The following PRPF31 variants were observed in gnomAD, a reference collection of about 807,000 sequenced individuals.
The protein encoded by PRPF31 is pre-mRNA processing factor 31, also known as U4/U6 small nuclear ribonucleoprotein Prp31.
A neutral mutation model predicts 60.4 loss-of-function variants in PRPF31; 12 were observed. The observed-to-expected ratio is 0.20, with a 90% CI of 0.13 to 0.32. The LOEUF (loss-of-function observed/expected upper bound fraction) is 0.32. PRPF31 is among the 10% of genes least tolerant of loss of function. The probability of loss-of-function intolerance (pLI) is 1.00; values close to 1 mark genes in which losing one functional copy is unlikely to be tolerated. For synonymous variants in PRPF31, 287 were observed against 287.9 expected, an observed-to-expected ratio of 1.00 and a Z score of 0.03; for missense variants, 431 against 687.1, an observed-to-expected ratio of 0.63 and a Z score of 4.17.
At chr19:54,118,214 A>G (rs2073698034) in intron 1 of PRPF31, 57 bp from the exon 2 acceptor site, 1 of 1,611,454 alleles carries the variant, frequency 6.2e-7, no homozygotes, top group Non-Finnish European at 8.5e-7. Context: ...ATCGCTCAGT[A>G]ATAAGGAGGG....
chr19:54,117,178 C>T lies in PRPF31; in HGVS notation c.-8-1093C>T, dbSNP rs116802034. On this transcript the variant is annotated intron_variant, in intron 1 of 13. Transcript: ENST00000321030. ...GGACTCCTGTACAAAGACCTGGAGG[C>T]GGGAAGAGACCGATAATGTAACCAA... is the stretch of plus-strand genomic sequence containing the variant. Among the ~76,000 whole-genome samples, 1,088 of 152,192 alleles carry T rather than the reference C, an allele frequency of 7.1e-3. 9 individuals are homozygous for T. Among genetic ancestry groups the T allele is most frequent in the African/African-American group, 0.024 (991 of 41,530 alleles).
chr19:54,128,025 G>A, intron 9 of PRPF31, 48 bp from the exon 10 acceptor site: 2 of 1,548,016 alleles, frequency 1.3e-6, no homozygotes, highest in Non-Finnish European at 1.7e-6. Context: ...AGGCCTGGGT[G>A]GGCAGCCCAC....
chr19:54,124,022 T>C (rs1416397757), intron 7 of PRPF31, 104 bp downstream of exon 7: 2 of 1,559,160 alleles, frequency 1.3e-6, no homozygotes, highest in East Asian at 4.6e-5. Flanking sequence ...CACCTGGACC[T>C]CAGCACCCCG....
chr19:54,127,649 C>T (rs990192893), intron 9 of PRPF31, among the ~76,000 whole-genome samples: 8 of 152,232 alleles, frequency 5.3e-5, no homozygotes, highest in Admixed American at 2.0e-4. Flanking sequence ...CAGTTACCTT[C>T]TGTCTTCCTT....
chr19:54,116,795 C>T (rs1473070962), intron 1 of PRPF31, among the ~76,000 whole-genome samples: 2 of 152,140 alleles, frequency 1.3e-5, no homozygotes, highest in East Asian at 3.9e-4. Context: ...AGATGCTGGG[C>T]TACTAAGAAG....
Position 54,118,638 on chromosome 19 carries a change from T to C in PRPF31, c.238+5T>C. Reference sequence around the variant, plus strand: ...AGCAAGCCAAAGCTTCAGAAGGTGCTTCCTCCCACTCTGTGCCCCTCCCCA... The same window carrying C: ...AGCAAGCCAAAGCTTCAGAAGGTGCCTCCTCCCACTCTGTGCCCCTCCCCA... On this transcript the variant is annotated splice_donor_5th_base_variant and intron_variant, in intron 3 of 13. Coordinates refer to ENST00000321030, the MANE Select transcript of PRPF31 (RefSeq NM_015629.4). 6.2e-7 allele frequency: 1 copy of C among 1,614,002 alleles called. No homozygotes were observed. Among genetic ancestry groups the C allele is most frequent in the Non-Finnish European group, 8.5e-7 (1 of 1,179,924 alleles).
chr19:54,129,635 G>A (rs1490716513), intron 13 of PRPF31, among the ~76,000 whole-genome samples: 1 of 134,814 alleles, frequency 7.4e-6, no homozygotes, highest in Admixed American at 8.6e-5. Flanking sequence ...CAGTTCCTCT[G>A]TCGGGCTGTG....
At chr19:54,128,548 AGCGACCCTC>A (rs142459989) in intron 11 of PRPF31, among the ~76,000 whole-genome samples, 171 bp downstream of exon 11, 6,232 of 148,476 alleles carry the variant, frequency 0.042, 464 homozygotes, top group African/African-American at 0.15. Context: ...TCAGCCCCAA[AGCGACCCTC>A]GCGACCCTTG....
intron 8 of PRPF31, 111 bp from the exon 9 acceptor site, chr19:54,126,417 C>G (rs2073921960): frequency 1.0e-5 from 10 of 994,158 alleles, no homozygotes. Flanking sequence ...GGTGGAAAGC[C>G]CCCTTCCAGG....
At chr19:54,120,638 T>A (rs587745905) in intron 3 of PRPF31, among the ~76,000 whole-genome samples, 1 of 152,244 alleles carries the variant, frequency 6.6e-6, no homozygotes, top group South Asian at 2.1e-4. Flanking sequence ...TGAGACAGGG[T>A]CTCACTCTGT....
Position 54,131,618 on chromosome 19 carries a change from A to ATACTGGGCGGT in PRPF31, c.*186_*187insTACTGGGCGGT. 1 of 804,336 alleles carries ATACTGGGCGGT rather than the reference A, an allele frequency of 1.2e-6. No homozygotes were observed. Among genetic ancestry groups the ATACTGGGCGGT allele is most frequent in the Non-Finnish European group, 2.0e-6 (1 of 492,352 alleles). The allele number at this position is 804,336 out of a possible 1,614,324, so 49.8% of individuals were successfully genotyped here. The stretch of plus-strand genomic sequence containing the variant: ...TCCCCCAGGACCGAGATCACCGCCC[A>ATACTGGGCGGT]GTATGGGCTAGAGCAGGTCTTCATC... On this transcript the variant is annotated 3_prime_UTR_variant, in exon 14 of 14. Coordinates refer to ENST00000321030, the MANE Select transcript of PRPF31 (RefSeq NM_015629.4).
chr19:54,123,281 G>A, intron 5 of PRPF31, 173 bp from the exon 6 acceptor site: 1 of 667,750 alleles, frequency 1.5e-6, no homozygotes, highest in South Asian at 1.6e-5. Context: ...TGACGTGGTG[G>A]AGGCAGGAAT....
rs1190302040 is a variant in PRPF31 at position 54,128,195 on chromosome 19, C to A, written c.1068C>A (p.Gly356=). The change falls in exon 10 of 14, where the codon GGC becomes GGA. Residue 356 remains glycine, a synonymous_variant. Coordinates refer to ENST00000321030, the MANE Select transcript of PRPF31 (RefSeq NM_015629.4). ...PLDGQRKKRG[G]RRYRKMKERL... ...ATGGACAGCGGAAGAAGCGAGGCGGCCGCAGGTGAGGGGCCCTGGGGGTCC... is the reference window on the plus strand; with the variant it reads ...ATGGACAGCGGAAGAAGCGAGGCGGACGCAGGTGAGGGGCCCTGGGGGTCC... 1.3e-6 allele frequency: 2 copies of A among 1,570,930 alleles called. No individual in the cohort carries two copies. The highest frequency in any genetic ancestry group is 1.9e-5 in the Admixed American group (1 of 51,924).
intron 8 of PRPF31, chr19:54,124,872 G>C: frequency 3.2e-6 from 2 of 623,186 alleles, no homozygotes; most frequent in South Asian, 3.8e-5. Flanking sequence ...TGAGCGCCCT[G>C]TGCCTCAGTC....
At chr19:54,128,024 T>TGG (rs1234211231) in intron 9 of PRPF31, 49 bp from the exon 10 acceptor site, 2 of 1,547,842 alleles carry the variant, frequency 1.3e-6, no homozygotes, top group Non-Finnish European at 1.7e-6. Flanking sequence ...GAGGCCTGGG[T>TGG]GGGCAGCCCA....
chr19:54,128,867 T>C (rs1202210675), intron 11 of PRPF31, among the ~76,000 whole-genome samples, 190 bp from the exon 12 acceptor site: 2 of 152,100 alleles, frequency 1.3e-5, no homozygotes, highest in Non-Finnish European at 2.9e-5. Context: ...CGGGCCCCTC[T>C]CAGGCTCCCC....
In PRPF31 at chr19:54,121,997, C is replaced by T. The variant is rs587639692; in HGVS notation, c.322+54C>T. The T allele has an allele frequency of 5.9e-4, 908 of 1,530,350 alleles. 4 individuals carry two copies. The highest frequency in any genetic ancestry group is 2.3e-4 in the Non-Finnish European group (260 of 1,122,976). The allele number at this position is 1,530,350 out of a possible 1,614,324, so 94.8% of individuals were successfully genotyped here. A position where few individuals can be genotyped will look rare whatever the true frequency, so the allele number is the denominator to read the frequency against. ...CCCCGTGTGACGTCCCTCACGCCCC[C>T]TCTCCCTTCCCCACTGGCCTTTCCC... On this transcript the variant is annotated intron_variant, in intron 4 of 13. Transcript: ENST00000321030.
chr19:54,123,489 T>G lies in PRPF31; in HGVS notation c.456T>G (p.Asn152Lys). Residue 152 changes from asparagine (N) to lysine (K), a missense_variant, in exon 6 of 14, where the codon AAT (asparagine) becomes AAG (lysine). Around this residue, in one of 4 missense-constraint regions of PRPF31, gnomAD observed 113 missense variants for 173.8 expected, o/e 0.65. Transcript: ENST00000321030. ...LGNSLDKCKN[N>K]ENLQQILTNA... is the part of the protein sequence containing the mutation. ...ACAGCCTGGACAAGTGCAAGAACAA[T>G]GAGAACCTGCAGCAGATCCTCACCA... 1.2e-6 allele frequency: 2 copies of G among 1,614,082 alleles called. No individual in the cohort carries two copies. The highest frequency in any genetic ancestry group is 1.7e-6 in the Non-Finnish European group (2 of 1,179,994).
intron 5 of PRPF31, chr19:54,123,174 C>G: frequency 1.7e-6 from 1 of 572,744 alleles, no homozygotes. Flanking sequence ...CGACTTGACG[C>G]AGGCCAGAGG....
Sources: allele counts gnomAD v4.1 joint callset (sites outside exome capture counted in the v4.1 genomes callset), GRCh38; gene constraint gnomAD v4.1.1; regional missense constraint gnomAD v4.1.1; transcripts MANE v1.5; gene names NCBI Gene and HGNC (gene_info 2026-07-23, HGNC 2026-07-21).